Variants in KYNU observed in about 807,000 individuals in gnomAD.
KYNU encodes kynureninase, also known as L-kynurenine hydrolase.
Under a neutral mutation model 59.2 loss-of-function variants are expected in KYNU, and 54 were observed. The ratio of observed to expected loss-of-function variants is 0.91; its 90% CI spans 0.73 to 1.14. The LOEUF (loss-of-function observed/expected upper bound fraction) is 1.14. KYNU is among the 50% of genes most tolerant of loss of function. The pLI is 0.00. For missense variants in KYNU, 567 were observed against 554.4 expected, an observed-to-expected ratio of 1.02 and a Z score of -0.23; for synonymous variants, 177 against 192.0, an observed-to-expected ratio of 0.92 and a Z score of 0.65.
intron 4 of KYNU, among the ~76,000 whole-genome samples, chr2:142,945,705 C>G (rs1224146170): frequency 6.6e-6 from 1 of 151,884 alleles, no homozygotes; most frequent in Non-Finnish European, 1.5e-5. Flanking sequence ...CTATCTGTGG[C>G]AACAATATCC....
intron 10 of KYNU, among the ~76,000 whole-genome samples, chr2:143,025,185 G>T (rs1686516958): frequency 6.6e-6 from 1 of 151,920 alleles, no homozygotes. Flanking sequence ...TTAAGCTTCT[G>T]TTGTTTTCTT....
At chr2:142,908,698 G>A (rs577601465) in intron 2 of KYNU, among the ~76,000 whole-genome samples, 1 of 151,786 alleles carries the variant, frequency 6.6e-6, no homozygotes, top group South Asian at 2.1e-4. Context: ...GCAGTGGCAC[G>A]ATCTTGGCTC....
chr2:142,987,303 G>T (rs182685374), intron 10 of KYNU, among the ~76,000 whole-genome samples: 9 of 151,730 alleles, frequency 5.9e-5, no homozygotes, highest in Non-Finnish European at 8.8e-5. Flanking sequence ...GCCAGTGCCC[G>T]GATAGAAGGA....
intron 2 of KYNU, among the ~76,000 whole-genome samples, chr2:142,900,472 C>T (rs1421790393): frequency 2.0e-5 from 3 of 152,156 alleles, no homozygotes; most frequent in Non-Finnish European, 4.4e-5. Flanking sequence ...GATCATTATC[C>T]CTCCCCCTGT....
chr2:142,940,229 G>A (rs1033577795), intron 4 of KYNU, among the ~76,000 whole-genome samples: 4 of 152,246 alleles, frequency 2.6e-5, no homozygotes, highest in East Asian at 1.9e-4. Context: ...TAATTTGACC[G>A]GAGAATATGT....
intron 10 of KYNU, among the ~76,000 whole-genome samples, chr2:143,000,068 C>T (rs1685667349): frequency 6.6e-6 from 1 of 152,066 alleles, no homozygotes; most frequent in African/African-American, 2.4e-5. Flanking sequence ...AGAAAAACAT[C>T]ATATGAAAAA....
At chr2:142,990,747 G>A (rs1255115767) in intron 10 of KYNU, among the ~76,000 whole-genome samples, 2 of 151,776 alleles carry the variant, frequency 1.3e-5, no homozygotes. Context: ...GCAAGAATGG[G>A]GCCGACTGAC....
chr2:142,909,166 T>C (rs892300539), intron 2 of KYNU, among the ~76,000 whole-genome samples: 2 of 151,882 alleles, frequency 1.3e-5, no homozygotes, highest in Non-Finnish European at 2.9e-5. Flanking sequence ...ATCAAGTTTT[T>C]TTTTTTGTGG....
intron 4 of KYNU, among the ~76,000 whole-genome samples, chr2:142,936,581 A>G (rs1402572627): frequency 6.6e-6 from 1 of 152,176 alleles, no homozygotes; most frequent in East Asian, 1.9e-4. Context: ...CCGGAATGGG[A>G]TCAGTTGGCT....
chr2:142,969,756 A>G (rs908415022), intron 8 of KYNU, among the ~76,000 whole-genome samples: 3 of 152,108 alleles, frequency 2.0e-5, no homozygotes, highest in Non-Finnish European at 2.9e-5. Context: ...AGGGATATCT[A>G]TTTCTCCTGA....
At chr2:142,931,203 C>G (rs532168303) in intron 4 of KYNU, among the ~76,000 whole-genome samples, 1 of 152,226 alleles carries the variant, frequency 6.6e-6, no homozygotes, top group Non-Finnish European at 1.5e-5. Flanking sequence ...AGGAGTTATT[C>G]ATCTCCTTAA....
intron 3 of KYNU, among the ~76,000 whole-genome samples, chr2:142,926,288 A>G (rs952445241): frequency 3.9e-5 from 6 of 152,320 alleles, no homozygotes; most frequent in African/African-American, 1.4e-4. Flanking sequence ...TAAAAAAAAA[A>G]GTCAGAGGAA....
chr2:142,951,751 G>A (rs1381718707), intron 4 of KYNU, among the ~76,000 whole-genome samples: 1 of 152,250 alleles, frequency 6.6e-6, no homozygotes, highest in African/African-American at 2.4e-5. Context: ...GTCAGTAGCA[G>A]ATGAAGATTG....
At chr2:142,971,902 C>T (rs1684735804) in intron 8 of KYNU, among the ~76,000 whole-genome samples, 1 of 152,202 alleles carries the variant, frequency 6.6e-6, no homozygotes, top group African/African-American at 2.4e-5. Flanking sequence ...TCAAATTCCA[C>T]TTCTATTCTT....
Position 143,051,315 on chromosome 2 carries a change from A to G in KYNU, c.*9143A>G, listed in dbSNP as rs1467238783. ...CCAACTTCAAACTTGTTATTTATTTATCTAAGACTATACAGTTCTTTTCAG... is the reference window on the plus strand; with the variant it reads ...CCAACTTCAAACTTGTTATTTATTTGTCTAAGACTATACAGTTCTTTTCAG... On this transcript the variant is annotated 3_prime_UTR_variant, in exon 14 of 14. Transcript: ENST00000264170. The G allele has an allele frequency of 6.6e-6, 1 of 152,136 alleles. No individual in the cohort carries two copies. The highest frequency in any genetic ancestry group is 2.4e-5 in the African/African-American group (1 of 41,444). The allele number at this position is 152,136 out of a possible 1,614,324, so 9.4% of individuals were successfully genotyped here.
chr2:142,893,177 T>C (rs1681766370), intron 2 of KYNU, among the ~76,000 whole-genome samples: 1 of 152,190 alleles, frequency 6.6e-6, no homozygotes, highest in Non-Finnish European at 1.5e-5. Flanking sequence ...CATCAGCATT[T>C]AGGTAATAGT....
At chr2:142,885,289 G>T in intron 1 of KYNU, 60 bp from the exon 2 acceptor site, 1 of 1,385,786 alleles carries the variant, frequency 7.2e-7, no homozygotes, top group South Asian at 1.2e-5. Context: ...ATTACCTAAA[G>T]GGCTCATTTT....
At chr2:143,018,669 T>C (rs1260446826) in intron 10 of KYNU, among the ~76,000 whole-genome samples, 1 of 151,982 alleles carries the variant, frequency 6.6e-6, no homozygotes, top group Non-Finnish European at 1.5e-5. Context: ...TCTAGTTCTG[T>C]GAAAAAATAA....
At chr2:142,988,469 T>G (rs1055565883) in intron 10 of KYNU, among the ~76,000 whole-genome samples, 4 of 151,968 alleles carry the variant, frequency 2.6e-5, no homozygotes, top group Admixed American at 1.3e-4. Context: ...CTCTCTTATA[T>G]GCTATAAGAA....
Sources: allele counts gnomAD v4.1 joint callset (sites outside exome capture counted in the v4.1 genomes callset), GRCh38; gene constraint gnomAD v4.1.1; transcripts MANE v1.5; gene names NCBI Gene and HGNC (gene_info 2026-07-23, HGNC 2026-07-21).